The following NLGN1 variants were observed in gnomAD, a reference collection of about 807,000 sequenced individuals.
NLGN1 encodes the protein neuroligin-1.
In NLGN1, 12 loss-of-function variants were observed where a neutral mutation model predicts 65.5. That is an observed-to-expected ratio of 0.18 (90% CI 0.12 to 0.30). NLGN1 has a LOEUF of 0.30. NLGN1 is among the 10% of genes least tolerant of loss of function. The pLI is 1.00. For synonymous variants in NLGN1, 350 were observed against 359.5 expected, an observed-to-expected ratio of 0.97 and a Z score of 0.30; for missense variants, 750 against 1,007.1, an observed-to-expected ratio of 0.74 and a Z score of 3.46.
chr3:174,122,765 A>G (rs1045252207), intron 4 of NLGN1, among the ~76,000 whole-genome samples: 11 of 151,984 alleles, frequency 7.2e-5, no homozygotes, highest in Non-Finnish European at 1.2e-4. Context: ...TGCTTAATTT[A>G]TGGGTTTTTA....
At chr3:174,029,077 G>A (rs561909905) in intron 4 of NLGN1, among the ~76,000 whole-genome samples, 1 of 152,310 alleles carries the variant, frequency 6.6e-6, no homozygotes, top group African/African-American at 2.4e-5. Context: ...TGGGGTTAGA[G>A]CCCCCATACA....
At chr3:174,250,348 G>A (rs888593681) in intron 4 of NLGN1, among the ~76,000 whole-genome samples, 5 of 152,134 alleles carry the variant, frequency 3.3e-5, no homozygotes, top group African/African-American at 4.8e-5. Flanking sequence ...AATATAATTA[G>A]TTCATATTCT....
intron 2 of NLGN1, among the ~76,000 whole-genome samples, chr3:173,505,989 G>A (rs931424741): frequency 1.4e-4 from 21 of 151,940 alleles, no homozygotes; most frequent in African/African-American, 5.1e-4. Context: ...CTAATACCAC[G>A]TATTTCTAAA....
chr3:173,774,827 C>A (rs1036476112), intron 3 of NLGN1, among the ~76,000 whole-genome samples: 2 of 151,988 alleles, frequency 1.3e-5, no homozygotes, highest in Non-Finnish European at 2.9e-5. Context: ...CCTCCCCCAG[C>A]CCCCTCGCAC....
chr3:173,883,578 TA>T (rs919477265), intron 4 of NLGN1, among the ~76,000 whole-genome samples: 4 of 152,098 alleles, frequency 2.6e-5, no homozygotes, highest in African/African-American at 9.7e-5. Context: ...TCAGTTTATA[TA>T]AAAAAATAAA....
intron 4 of NLGN1, among the ~76,000 whole-genome samples, chr3:174,122,430 G>T (rs1030759051): frequency 2.0e-5 from 3 of 152,116 alleles, no homozygotes; most frequent in Non-Finnish European, 4.4e-5. Context: ...ACACTTTCTT[G>T]CTTTAACTGA....
At chr3:173,622,015 A>G (rs768301462) in intron 3 of NLGN1, among the ~76,000 whole-genome samples, 4 of 152,050 alleles carry the variant, frequency 2.6e-5, no homozygotes, top group Non-Finnish European at 5.9e-5. Flanking sequence ...TCCTCCTTTC[A>G]TTTTTTACCA....
chr3:173,747,561 A>G (rs971528031), intron 3 of NLGN1, among the ~76,000 whole-genome samples: 16 of 150,506 alleles, frequency 1.1e-4, no homozygotes, highest in Non-Finnish European at 2.1e-4. Flanking sequence ...TCTCAAGGGT[A>G]TATTTTTTCT....
At chr3:173,562,695 A>C (rs1400103876) in intron 2 of NLGN1, among the ~76,000 whole-genome samples, 1 of 152,138 alleles carries the variant, frequency 6.6e-6, no homozygotes, top group Non-Finnish European at 1.5e-5. Context: ...TCTTGGTTGG[A>C]TATTCCTCAT....
chr3:173,485,482 A>T (rs1330404609), intron 2 of NLGN1, among the ~76,000 whole-genome samples: 2 of 152,208 alleles, frequency 1.3e-5, no homozygotes, highest in Non-Finnish European at 2.9e-5. Context: ...ATAAAAAATT[A>T]TGCTAGAATT....
intron 4 of NLGN1, among the ~76,000 whole-genome samples, chr3:173,835,096 G>A (rs1320701210): frequency 6.6e-6 from 1 of 152,122 alleles, no homozygotes; most frequent in African/African-American, 2.4e-5. Flanking sequence ...ACAATTTGTA[G>A]AGTTTTCCCC....
intron 3 of NLGN1, chr3:173,724,502 C>A: frequency 5.3e-6 from 1 of 187,410 alleles, no homozygotes; most frequent in Non-Finnish European, 1.2e-5. Context: ...TCTGGAACTC[C>A]TGACCATAGG....
intron 4 of NLGN1, among the ~76,000 whole-genome samples, chr3:174,001,037 C>A (rs1415065236): frequency 6.6e-6 from 1 of 152,110 alleles, no homozygotes; most frequent in Non-Finnish European, 1.5e-5. Context: ...ACAGACAATT[C>A]AATTCTACTT....
intron 3 of NLGN1, among the ~76,000 whole-genome samples, chr3:173,664,836 C>G (rs1761475010): frequency 6.6e-6 from 1 of 152,070 alleles, no homozygotes; most frequent in African/African-American, 2.4e-5. Flanking sequence ...GCTCTTTTCT[C>G]TAAATCACAC....
chr3:173,399,265 T>C (rs1717210332), intron 1 of NLGN1, among the ~76,000 whole-genome samples: 1 of 152,176 alleles, frequency 6.6e-6, no homozygotes, highest in Admixed American at 6.5e-5. Flanking sequence ...ATTCTGCAGT[T>C]AGTCTTCCCA....
chr3:173,487,637 T>C (rs761528584), intron 2 of NLGN1, among the ~76,000 whole-genome samples: 24 of 152,038 alleles, frequency 1.6e-4, no homozygotes, highest in Non-Finnish European at 2.7e-4. Flanking sequence ...TTTGCAACAA[T>C]ATTGTTAAGG....
chr3:173,988,060 A>G (rs1720325602), intron 4 of NLGN1, among the ~76,000 whole-genome samples: 2 of 152,228 alleles, frequency 1.3e-5, no homozygotes, highest in Non-Finnish European at 2.9e-5. Context: ...CCCAAAATAA[A>G]AAGATTCTCA....
At chr3:173,457,462 A>C (rs1314894982) in intron 2 of NLGN1, among the ~76,000 whole-genome samples, 1 of 152,144 alleles carries the variant, frequency 6.6e-6, no homozygotes, top group Non-Finnish European at 1.5e-5. Flanking sequence ...ATGCAATTGT[A>C]AGGATAAACA....
chr3:173,558,312 T>C (rs947979170), intron 2 of NLGN1, among the ~76,000 whole-genome samples: 2 of 152,178 alleles, frequency 1.3e-5, no homozygotes, highest in Non-Finnish European at 2.9e-5. Context: ...TTCCTGTTCA[T>C]CCTACTGTGG....
Sources: gnomAD v4.1 joint callset for allele counts (sites outside exome capture counted in the v4.1 genomes callset) on GRCh38, gnomAD v4.1.1 for gene constraint, MANE v1.5 for transcripts, NCBI Gene and HGNC (gene_info 2026-07-23, HGNC 2026-07-21) for gene names.